FAT4: variants seen among roughly 807,000 people sequenced by gnomAD.
FAT4 encodes the protein FAT atypical cadherin 4, also known as protocadherin Fat 4.
Under a neutral mutation model 303.9 loss-of-function variants are expected in FAT4, and 84 were observed. The ratio of observed to expected loss-of-function variants is 0.28; its 90% CI spans 0.23 to 0.33. The LOEUF (loss-of-function observed/expected upper bound fraction) is 0.33. Among genes scored for constraint, FAT4 ranks in the 10% least tolerant of loss-of-function variants. The probability of loss-of-function intolerance (pLI) is 1.00; values close to 1 mark genes in which losing one functional copy is unlikely to be tolerated. For synonymous variants in FAT4, 2,307 were observed against 2,298.8 expected, an observed-to-expected ratio of 1.00 and a Z score of -0.10; for missense variants, 6,005 against 6,146.8, an observed-to-expected ratio of 0.98 and a Z score of 0.77.
chr4:125,398,182 C>G (rs1734252628), intron 2 of FAT4, among the ~76,000 whole-genome samples: 1 of 152,184 alleles, frequency 6.6e-6, no homozygotes, highest in African/African-American at 2.4e-5. Flanking sequence ...CAACCTATAT[C>G]CACATGACAT....
chr4:125,455,909 A>G (rs1726262375), intron 10 of FAT4, among the ~76,000 whole-genome samples: 1 of 152,200 alleles, frequency 6.6e-6, no homozygotes, highest in South Asian at 2.1e-4. Context: ...AAATCTTCAA[A>G]CTGGCTAAGA....
chr4:125,352,024 A>G (rs1732244308), intron 2 of FAT4, among the ~76,000 whole-genome samples: 1 of 151,668 alleles, frequency 6.6e-6, no homozygotes, highest in South Asian at 2.1e-4. Flanking sequence ...TAGATATATT[A>G]TGCCCTTTGA....
intron 7 of FAT4, among the ~76,000 whole-genome samples, chr4:125,418,271 A>AT (rs998253163): frequency 5.3e-5 from 8 of 151,808 alleles, no homozygotes; most frequent in African/African-American, 1.5e-4. Context: ...TTTCCTTTGC[A>AT]TTTTTTTTGA....
Position 125,462,273 on chromosome 4 carries a change from T to C in FAT4, c.11801-1290T>C, listed in dbSNP as rs1199457587. Among the ~76,000 whole-genome samples the C allele has an allele frequency of 4.6e-5, 7 of 151,882 alleles. No homozygotes were observed. The East Asian group carries it at 1.2e-3, about 25-fold the overall frequency. ...TTGACTGTGTTTTAAGCAAAGTTAGTATGATGAAATGAAGTATCTATGCTC... is the reference window on the plus strand; with the variant it reads ...TTGACTGTGTTTTAAGCAAAGTTAGCATGATGAAATGAAGTATCTATGCTC... On this transcript the variant is annotated intron_variant, in intron 10 of 17. Transcript: ENST00000394329.
At chr4:125,443,779 C>T (rs1184302092) in intron 8 of FAT4, among the ~76,000 whole-genome samples, 1 of 151,994 alleles carries the variant, frequency 6.6e-6, no homozygotes, top group Non-Finnish European at 1.5e-5. Flanking sequence ...TTAATGCAGG[C>T]CAGAGAAGCA....
intron 3 of FAT4, among the ~76,000 whole-genome samples, chr4:125,404,546 T>G (rs1269354090): frequency 6.6e-6 from 1 of 152,192 alleles, no homozygotes; most frequent in Non-Finnish European, 1.5e-5. Flanking sequence ...TGTATTCATT[T>G]GATACGCTTT....
In FAT4 at chr4:125,321,410, A is replaced by G. The variant is rs369211657; in HGVS notation, c.4999A>G (p.Ile1667Val). Residue 1667 changes from isoleucine to valine, a missense_variant, in exon 2 of 18, where the codon ATT (isoleucine) becomes GTT (valine). Physicochemically the swap from Ile to Val is conservative, Grantham distance 29 (BLOSUM62 3). Coordinates refer to ENST00000394329, the MANE Select transcript of FAT4 (RefSeq NM_001291303.3). ...ATCTGAGGCCCCAGTGGAGTATTAT[A>G]TTGTTTCAGTTCGTTGTGAAGAAAA... The part of the protein sequence containing the change: ...RGSEAPVEYY[I>V]VSVRCEEKTV... The G allele has an allele frequency of 1.2e-6, 2 of 1,614,122 alleles. No homozygotes were observed. The highest frequency in any genetic ancestry group is 1.1e-5 in the South Asian group (1 of 91,080).
chr4:125,417,464 G>C (rs1198844617), intron 7 of FAT4, among the ~76,000 whole-genome samples: 2 of 152,078 alleles, frequency 1.3e-5, no homozygotes, highest in Non-Finnish European at 2.9e-5. Flanking sequence ...GGGTCAGGGG[G>C]AAACCAGGAC....
At position 125,451,134 on chromosome 4, in the gene FAT4, T is replaced by C; in HGVS notation, c.10124T>C (p.Val3375Ala). 6.2e-7 allele frequency: 1 copy of C among 1,614,102 alleles called. No homozygotes were observed. The highest frequency in any genetic ancestry group is 8.5e-7 in the Non-Finnish European group (1 of 1,179,998). ...AAAGAAGAAAGGGTGTCTTTGAAGG[T>C]ATTGGCCAAGAACTTTGGCAGCATT... is the stretch of plus-strand genomic sequence containing the variant. ...REKEERVSLK[V>A]LAKNFGSIRG... Residue 3375 changes from valine to alanine, a missense_variant, in exon 10 of 18, where the codon GTA becomes GCA. By Grantham distance (64) the Val-to-Ala change is moderately conservative. Coordinates refer to ENST00000394329, the MANE Select transcript of FAT4 (RefSeq NM_001291303.3).
At chr4:125,478,814 C>A (rs193052611) in intron 14 of FAT4, among the ~76,000 whole-genome samples, 113 of 152,250 alleles carry the variant, frequency 7.4e-4, no homozygotes, top group Middle Eastern at 3.4e-3. Context: ...AGAGGAGAGC[C>A]ACTGCACCCA....
intron 9 of FAT4, among the ~76,000 whole-genome samples, chr4:125,447,555 A>G (rs1725867982): frequency 6.6e-6 from 1 of 152,142 alleles, no homozygotes; most frequent in South Asian, 2.1e-4. Flanking sequence ...AAAATTTCCT[A>G]TGTAAAATGA....
chr4:125,477,447 AT>A, intron 14 of FAT4, 113 bp downstream of exon 14: 1 of 979,878 alleles, frequency 1.0e-6, no homozygotes, highest in Non-Finnish European at 1.4e-6. Context: ...ATACCAAATG[AT>A]TTACATTGTT....
intron 2 of FAT4, among the ~76,000 whole-genome samples, chr4:125,351,005 A>G (rs1732200163): frequency 6.6e-6 from 1 of 151,686 alleles, no homozygotes; most frequent in Admixed American, 6.6e-5. Context: ...ATGATGACTG[A>G]GGTTTCTCAG....
At chr4:125,342,145 T>C (rs17009487) in intron 2 of FAT4, among the ~76,000 whole-genome samples, 9,661 of 152,050 alleles carry the variant, frequency 0.064, 525 homozygotes, top group East Asian at 0.19. Context: ...CATAAGTTTA[T>C]GATTATCCCA....
chr4:125,320,156 A>G lies in FAT4; in HGVS notation c.3745A>G (p.Ile1249Val), dbSNP rs1578517597. 16 of 1,614,028 alleles carry G rather than the reference A, an allele frequency of 9.9e-6. 1 individual carries two copies. Among genetic ancestry groups the G allele is most frequent in the Non-Finnish European group, 1.4e-5 (16 of 1,179,906 alleles). The change falls in exon 2 of 18, where the codon ATA (isoleucine) becomes GTA (valine). Residue 1249 changes from isoleucine (I) to valine (V), a missense_variant. Transcript: ENST00000394329. ...TAATAATGGACTTATTCACTATTCT[A>G]TAATAAAAGGAAATGAAGAAAGACA... The part of the protein sequence containing the change: ...EGNNGLIHYS[I>V]IKGNEERQFA...
Position 125,448,800 on chromosome 4 carries a change from G to A in FAT4, c.7790G>A (p.Arg2597Lys), listed in dbSNP as rs1242730542. The A allele has an allele frequency of 1.2e-6, 2 of 1,610,228 alleles. No homozygotes were observed. Among genetic ancestry groups the A allele is most frequent in the South Asian group, 2.2e-5 (2 of 91,076 alleles). Residue 2597 changes from arginine (R) to lysine (K), a missense_variant, in exon 10 of 18, where the codon AGA (arginine) becomes AAA (lysine). Coordinates refer to ENST00000394329, the MANE Select transcript of FAT4 (RefSeq NM_001291303.3). Reference sequence around the variant, plus strand: ...ACCACCATCACAGGATCCTCTTTAAGAGGAGAACCTATGTCATATTATATC... The same window carrying A: ...ACCACCATCACAGGATCCTCTTTAAAAGGAGAACCTATGTCATATTATATC... ...LVTTITGSSLRGEPMSYYIAS... is the reference protein window; with the variant it reads ...LVTTITGSSLKGEPMSYYIAS...
chr4:125,406,528 T>C lies in FAT4; in HGVS notation c.5308-352T>C, dbSNP rs375680155. On this transcript the variant is annotated intron_variant, in intron 3 of 17. Transcript: ENST00000394329. ...TTTGGAATTGCTTTACCTATTTGTA[T>C]AAAAAATGCTGTTAGGATTTTGATA... Among the ~76,000 whole-genome samples the C allele has an allele frequency of 7.9e-5, 12 of 152,300 alleles. No homozygotes were observed. The East Asian group carries it at 1.4e-3, about 17-fold the overall frequency.
At chr4:125,417,829 G>T (rs1320945586) in intron 7 of FAT4, among the ~76,000 whole-genome samples, 1 of 152,122 alleles carries the variant, frequency 6.6e-6, no homozygotes. Context: ...AAATAGACTG[G>T]CATTTCTGAG....
Position 125,416,459 on chromosome 4 carries a change from A to G in FAT4, c.6855A>G (p.Arg2285=), listed in dbSNP as rs774492911. The change falls in exon 7 of 18, where the codon AGA becomes AGG. Residue 2285 remains arginine, a synonymous_variant. Transcript: ENST00000394329. The part of the protein sequence containing the change: ...LPRTILQVVA[R]DDDRGSNSKL... ...GTACTGTTCTACAGGTGGTGGCAAG[A>G]GATGATGATCGAGGATCTAACAGCA... 7.4e-6 allele frequency: 12 copies of G among 1,613,330 alleles called. No individual in the cohort carries two copies. The African/African-American group carries it at 1.6e-4, about 22-fold the overall frequency.
Sources: allele counts gnomAD v4.1 joint callset (sites outside exome capture counted in the v4.1 genomes callset), GRCh38; gene constraint gnomAD v4.1.1; transcripts MANE v1.5; gene names NCBI Gene and HGNC (gene_info 2026-07-23, HGNC 2026-07-21).